ROS1: variants seen among roughly 807,000 people sequenced by gnomAD.
ROS1 encodes proto-oncogene tyrosine-protein kinase ROS.
In ROS1, 263 loss-of-function variants were observed where a neutral mutation model predicts 273.5. That is an observed-to-expected ratio of 0.96 (90% CI 0.87 to 1.06). The LOEUF is 1.06. Ranked by LOEUF, ROS1 falls within the 50% of genes least tolerant of loss-of-function variation. The pLI is 0.00. For synonymous variants in ROS1, 1,008 were observed against 954.1 expected (o/e 1.06, Z -1.04); for missense variants, 2,833 against 2,751.1 (o/e 1.03, Z -0.67).
chr6:117,292,434 T>C (rs1380647325), intron 43 of ROS1, among the ~76,000 whole-genome samples: 1 of 152,212 alleles, frequency 6.6e-6, no homozygotes, highest in Admixed American at 6.5e-5. Context: ...GCCTCTCTCC[T>C]CTGGATTTCC....
In ROS1 at chr6:117,294,279, T is replaced by C. The variant is rs181160832; in HGVS notation, c.6716-5477A>G. ...AGGATGGCCATTTTCACCACTCTTA[T>C]TCAACATAGTACTGTAAGTCCTAGC... On this transcript the variant is annotated intron_variant, in intron 43 of 43. Transcript: ENST00000368507. 1.0e-3 allele frequency among the ~76,000 whole-genome samples: 157 copies of C among 152,248 alleles called. 1 individual carries two copies. Among genetic ancestry groups the C allele is most frequent in the Non-Finnish European group, 1.6e-3 (107 of 67,982 alleles).
chr6:117,402,078 C>T (rs969265874), intron 7 of ROS1, among the ~76,000 whole-genome samples: 5 of 152,116 alleles, frequency 3.3e-5, no homozygotes, highest in Admixed American at 1.3e-4. Context: ...TAAGGCAGTT[C>T]GCATCAGATC....
At chr6:117,330,030 A>T (rs955564187) in intron 32 of ROS1, among the ~76,000 whole-genome samples, 2 of 152,196 alleles carry the variant, frequency 1.3e-5, no homozygotes, top group Non-Finnish European at 2.9e-5. Flanking sequence ...GAGGGGCAGC[A>T]GCCAGCACTG....
chr6:117,310,379 T>C, intron 40 of ROS1, 98 bp from the exon 41 acceptor site: 1 of 851,216 alleles, frequency 1.2e-6, no homozygotes, highest in East Asian at 2.8e-5. Flanking sequence ...GAAGAGAAAC[T>C]ATTTTTTTTT....
rs753422739 is a variant in ROS1, at chr6:117,389,588, A to G, written c.1548T>C (p.Asn516=). The G allele has an allele frequency of 1.2e-6, 2 of 1,614,266 alleles. No homozygotes were observed. The highest frequency in any genetic ancestry group is 2.2e-5 in the South Asian group (2 of 91,090). ...CCTTGCCATCTGTGACAAGAAAGTC[A>G]TTGTTTTCACAAGCAAAACTTTTCA... ...ADVKSFACEN[N]DFLVTDGKVI... Residue 516 remains asparagine (N), a synonymous_variant, in exon 13 of 44, where the codon AAT becomes AAC. Coordinates refer to ENST00000368507, the MANE Select transcript of ROS1 (RefSeq NM_001378902.1).
intron 31 of ROS1, among the ~76,000 whole-genome samples, chr6:117,339,416 C>T (rs1028198096): frequency 6.6e-6 from 1 of 152,092 alleles, no homozygotes; most frequent in African/African-American, 2.4e-5. Flanking sequence ...CATTTTCTTC[C>T]TGTTTCCTTT....
intron 5 of ROS1, among the ~76,000 whole-genome samples, chr6:117,409,251 C>CAG (rs58382092): frequency 0.54 from 81,034 of 151,318 alleles, 22,347 homozygotes; most frequent in South Asian, 0.68. Context: ...AGAAAAAAAA[C>CAG]TGGCATTCTC....
chr6:117,360,494 T>C, intron 22 of ROS1, 89 bp from the exon 23 acceptor site: 1 of 835,626 alleles, frequency 1.2e-6, no homozygotes, highest in Non-Finnish European at 2.0e-6. Context: ...AAATGTTTCA[T>C]TTCATACTCC....
intron 5 of ROS1, among the ~76,000 whole-genome samples, chr6:117,405,985 T>C (rs1774366983): frequency 6.6e-6 from 1 of 152,170 alleles, no homozygotes; most frequent in African/African-American, 2.4e-5. Flanking sequence ...CATAAATGCC[T>C]AATAAAAAAT....
intron 39 of ROS1, among the ~76,000 whole-genome samples, chr6:117,315,203 C>T (rs558425308): frequency 1.3e-5 from 2 of 152,028 alleles, no homozygotes; most frequent in South Asian, 2.1e-4. Context: ...TTGAGGAAGT[C>T]TATCACAATA....
chr6:117,319,404 A>T (rs1776130311), intron 37 of ROS1, among the ~76,000 whole-genome samples: 1 of 152,156 alleles, frequency 6.6e-6, no homozygotes, highest in Admixed American at 6.6e-5. Flanking sequence ...TTCAAATTTC[A>T]GTGTTCATAA....
chr6:117,384,966 T>C (rs1320912691), intron 16 of ROS1, among the ~76,000 whole-genome samples: 4 of 152,144 alleles, frequency 2.6e-5, no homozygotes, highest in Non-Finnish European at 5.9e-5. Context: ...CCTCACCAGG[T>C]TCTTCCACTT....
At chr6:117,395,188 G>A (rs941321992) in intron 9 of ROS1, among the ~76,000 whole-genome samples, 2 of 152,126 alleles carry the variant, frequency 1.3e-5, no homozygotes, top group African/African-American at 2.4e-5. Flanking sequence ...GTCCTTAAAG[G>A]AATGACATTG....
chr6:117,288,453 G>T lies in ROS1; in HGVS notation c.*39C>A. On this transcript the variant is annotated 3_prime_UTR_variant, in exon 44 of 44. Transcript: ENST00000368507. ...TTTTCTTTCAGTAACTACTGAATGA[G>T]AGTGTTTATCTCAACTCTCTATTTC... 1 of 1,506,716 alleles carries T rather than the reference G, an allele frequency of 6.6e-7. No homozygotes were observed. Among genetic ancestry groups the T allele is most frequent in the Non-Finnish European group, 9.0e-7 (1 of 1,105,130 alleles). The allele number at this position is 1,506,716 out of a possible 1,614,324, so 93.3% of individuals were successfully genotyped here.
chr6:117,370,906 ACT>A (rs1780709613), intron 18 of ROS1, among the ~76,000 whole-genome samples: 1 of 152,252 alleles, frequency 6.6e-6, no homozygotes, highest in African/African-American at 2.4e-5. Context: ...AAGACAGTAG[ACT>A]TAAATCCAAA....
intron 39 of ROS1, among the ~76,000 whole-genome samples, chr6:117,311,347 G>A (rs1049980735): frequency 1.3e-5 from 2 of 152,142 alleles, no homozygotes; most frequent in African/African-American, 2.4e-5. Context: ...GTAAGTAGAG[G>A]CAATATGGAA....
chr6:117,422,476 T>C (rs145349262), intron 1 of ROS1, among the ~76,000 whole-genome samples: 246 of 152,314 alleles, frequency 1.6e-3, no homozygotes, highest in African/African-American at 5.3e-3. Flanking sequence ...TTGTATTCTG[T>C]TTTACTCACA....
chr6:117,414,743 G>GC (rs1462520597), intron 3 of ROS1, among the ~76,000 whole-genome samples, 198 bp from the exon 4 acceptor site: 2 of 152,216 alleles, frequency 1.3e-5, no homozygotes, highest in East Asian at 3.8e-4. Flanking sequence ...TAAAAATTAA[G>GC]CTGTTTGCAT....
At chr6:117,346,774 C>T (rs1314667384) in intron 27 of ROS1, among the ~76,000 whole-genome samples, 1 of 152,054 alleles carries the variant, frequency 6.6e-6, no homozygotes, top group African/African-American at 2.4e-5. Flanking sequence ...CTATAGTTTA[C>T]ATTAGAGTTC....
Sources: gnomAD v4.1 joint callset for allele counts (sites outside exome capture counted in the v4.1 genomes callset) on GRCh38, gnomAD v4.1.1 for gene constraint, MANE v1.5 for transcripts, NCBI Gene and HGNC (gene_info 2026-07-23, HGNC 2026-07-21) for gene names.